The following GPC5 variants were observed in gnomAD, a reference collection of about 807,000 sequenced individuals.
GPC5 encodes the protein glypican-5.
Under a neutral mutation model 53.9 loss-of-function variants are expected in GPC5, and 47 were observed. The ratio of observed to expected loss-of-function variants is 0.87; its 90% CI spans 0.69 to 1.11. The LOEUF (loss-of-function observed/expected upper bound fraction) is 1.11, where lower values mean the gene tolerates loss of function less well. Among genes scored for constraint, GPC5 ranks in the 50% most tolerant of loss-of-function variants. The probability of loss-of-function intolerance (pLI) is 0.00; values close to 1 mark genes in which losing one functional copy is unlikely to be tolerated. For missense variants in GPC5, 748 were observed against 713.1 expected (o/e 1.05, Z -0.56); for synonymous variants, 286 against 263.3 (o/e 1.09, Z -0.84).
intron 2 of GPC5, among the ~76,000 whole-genome samples, chr13:91,470,820 T>C (rs934491008): frequency 1.3e-5 from 2 of 152,172 alleles, no homozygotes; most frequent in Admixed American, 6.6e-5. Context: ...TTGGACTATA[T>C]TAGAATTCCA....
chr13:91,596,822 G>A (rs932801272), intron 2 of GPC5, among the ~76,000 whole-genome samples: 10 of 152,058 alleles, frequency 6.6e-5, no homozygotes, highest in African/African-American at 2.4e-4. Flanking sequence ...TAAGAGTTGG[G>A]TATTCTCTCT....
intron 6 of GPC5, among the ~76,000 whole-genome samples, chr13:92,077,434 G>C (rs2041260969): frequency 6.6e-6 from 1 of 152,164 alleles, no homozygotes; most frequent in African/African-American, 2.4e-5. Context: ...TCTGTGATCT[G>C]AGCCCTAATT....
At chr13:92,426,998 T>C (rs921804218) in intron 7 of GPC5, among the ~76,000 whole-genome samples, 2 of 152,008 alleles carry the variant, frequency 1.3e-5, no homozygotes, top group Non-Finnish European at 2.9e-5. Flanking sequence ...CTTCTGACCA[T>C]TACATAGGCT....
At chr13:92,775,918 C>G (rs1875787701) in intron 7 of GPC5, among the ~76,000 whole-genome samples, 1 of 152,146 alleles carries the variant, frequency 6.6e-6, no homozygotes, top group Non-Finnish European at 1.5e-5. Context: ...TTTTAAGCAC[C>G]TACTCTGTGG....
intron 6 of GPC5, among the ~76,000 whole-genome samples, chr13:91,958,645 A>C (rs2040096849): frequency 6.6e-6 from 1 of 152,214 alleles, no homozygotes; most frequent in African/African-American, 2.4e-5. Flanking sequence ...AATCTCAACA[A>C]AAACAATTTT....
intron 5 of GPC5, among the ~76,000 whole-genome samples, chr13:91,873,369 G>T (rs915536449): frequency 6.6e-6 from 1 of 151,978 alleles, no homozygotes; most frequent in African/African-American, 2.4e-5. Flanking sequence ...ATATGGTTTG[G>T]CTGTGTCCCC....
At chr13:92,123,373 GAGTACT>G (rs2041667000) in intron 6 of GPC5, among the ~76,000 whole-genome samples, 4 of 152,112 alleles carry the variant, frequency 2.6e-5, no homozygotes, top group Non-Finnish European at 5.9e-5. Flanking sequence ...TTTATAACAG[GAGTACT>G]TCCTATATCA....
chr13:91,562,618 T>TA (rs1480579715), intron 2 of GPC5, among the ~76,000 whole-genome samples: 1 of 126,610 alleles, frequency 7.9e-6, no homozygotes, highest in African/African-American at 3.1e-5. Context: ...GATGCCTGGC[T>TA]ATTTTTTTTT....
rs1268118768 is a variant in GPC5, at chr13:91,648,337, T to C, written c.326-44850T>C. ...TTCCATGAAAAGCAAAATGATACTG[T>C]TTTTAATTGTATTAAGACAGGTTTT... On this transcript the variant is annotated intron_variant, in intron 2 of 7. Transcript: ENST00000377067. Among the ~76,000 whole-genome samples, 7 of 151,940 alleles carry C rather than the reference T, an allele frequency of 4.6e-5. No homozygotes were observed. The East Asian group carries it at 1.2e-3, about 25-fold the overall frequency.
At chr13:91,426,643 G>A (rs1437863325) in intron 1 of GPC5, among the ~76,000 whole-genome samples, 2 of 152,146 alleles carry the variant, frequency 1.3e-5, no homozygotes, top group Non-Finnish European at 1.5e-5. Context: ...GGAGTTTAAT[G>A]TTTGAGGGCA....
chr13:92,533,263 TG>T (rs1030498405), intron 7 of GPC5, among the ~76,000 whole-genome samples: 2 of 152,184 alleles, frequency 1.3e-5, no homozygotes, highest in Non-Finnish European at 2.9e-5. Context: ...TTTACTTCAC[TG>T]TATGTTCTCA....
At chr13:91,963,369 A>C (rs2040144712) in intron 6 of GPC5, among the ~76,000 whole-genome samples, 1 of 152,198 alleles carries the variant, frequency 6.6e-6, no homozygotes, top group African/African-American at 2.4e-5. Context: ...CAAATTTTCA[A>C]AAATTTGCAC....
chr13:91,644,216 C>G (rs1204005815), intron 2 of GPC5, among the ~76,000 whole-genome samples: 1 of 152,058 alleles, frequency 6.6e-6, no homozygotes, highest in Non-Finnish European at 1.5e-5. Flanking sequence ...TGGGTATATG[C>G]AGGCATTTTT....
intron 6 of GPC5, among the ~76,000 whole-genome samples, chr13:92,128,200 AG>A (rs563692474): frequency 1.7e-4 from 26 of 152,148 alleles, no homozygotes; most frequent in Non-Finnish European, 3.7e-4. Flanking sequence ...TATGGTTCTC[AG>A]GGTTTGTTGT....
At chr13:91,566,851 A>G (rs2031554017) in intron 2 of GPC5, among the ~76,000 whole-genome samples, 1 of 152,150 alleles carries the variant, frequency 6.6e-6, no homozygotes, top group Admixed American at 6.6e-5. Flanking sequence ...TGATTAGTCA[A>G]CCAAAATGTT....
chr13:92,696,071 G>A (rs1887547841), intron 7 of GPC5, among the ~76,000 whole-genome samples: 1 of 152,066 alleles, frequency 6.6e-6, no homozygotes, highest in Non-Finnish European at 1.5e-5. Flanking sequence ...GTGTATATGT[G>A]CCACCTTTCT....
intron 2 of GPC5, among the ~76,000 whole-genome samples, chr13:91,677,497 G>GT (rs2139712331): frequency 6.6e-6 from 1 of 152,244 alleles, no homozygotes; most frequent in South Asian, 2.1e-4. Flanking sequence ...ATATTTGTTT[G>GT]TTTTTAATAG....
intron 7 of GPC5, among the ~76,000 whole-genome samples, chr13:92,589,955 G>T (rs574843026): frequency 2.0e-5 from 3 of 152,148 alleles, no homozygotes; most frequent in South Asian, 2.1e-4. Flanking sequence ...AAGGTTAAAA[G>T]GTTGATGAGT....
At position 92,851,389 on chromosome 13, in the gene GPC5, A is replaced by G. The variant is rs949996176; in HGVS notation, c.1562-14893A>G. On this transcript the variant is annotated intron_variant, in intron 7 of 7. Coordinates refer to ENST00000377067, the MANE Select transcript of GPC5 (RefSeq NM_004466.6). ...TGCAACCAGGGAGTTGCTCTCAGGC[A>G]AGACGCTGGAAGAGTCTTCTCTCAG... is the stretch of plus-strand genomic sequence containing the variant. Among the ~76,000 whole-genome samples, 3 of 152,288 alleles carry G rather than the reference A, an allele frequency of 2.0e-5. No individual in the cohort carries two copies. The East Asian group carries it at 5.8e-4, about 29-fold the overall frequency.
Sources: allele counts gnomAD v4.1 joint callset (sites outside exome capture counted in the v4.1 genomes callset), GRCh38; gene constraint gnomAD v4.1.1; transcripts MANE v1.5; gene names NCBI Gene and HGNC (gene_info 2026-07-23, HGNC 2026-07-21).